The following TOPBP1 variants were observed in gnomAD, a reference collection of about 807,000 sequenced individuals.
TOPBP1 encodes the protein DNA topoisomerase 2-binding protein 1.
TOPBP1 carries 28 observed loss-of-function variants against 167.7 expected under a neutral mutation model. That is an observed-to-expected ratio of 0.17 (90% confidence interval 0.12 to 0.23). The LOEUF is 0.23. Among genes scored for constraint, TOPBP1 ranks in the 10% least tolerant of loss-of-function variants. The probability of loss-of-function intolerance (pLI) is 1.00; values close to 1 mark genes in which losing one functional copy is unlikely to be tolerated. For missense variants in TOPBP1, 1,554 were observed against 1,809.6 expected (o/e 0.86, Z 2.56); for synonymous variants, 598 against 611.4 (o/e 0.98, Z 0.32).
At chr3:133,610,959 A>G (rs756433125) in intron 25 of TOPBP1, 45 bp downstream of exon 25, 2 of 1,491,814 alleles carry the variant, frequency 1.3e-6, no homozygotes, top group South Asian at 1.4e-5. Context: ...AAGAGTCACA[A>G]TATTGAATGC....
chr3:133,611,800 T>G (rs1934692263), intron 24 of TOPBP1, among the ~76,000 whole-genome samples: 1 of 152,212 alleles, frequency 6.6e-6, no homozygotes, highest in African/African-American at 2.4e-5. Context: ...TGTTTCTTCC[T>G]TTAGAGACAG....
At chr3:133,634,478 T>C (rs1057334764) in intron 14 of TOPBP1, among the ~76,000 whole-genome samples, 7 of 152,066 alleles carry the variant, frequency 4.6e-5, no homozygotes, top group African/African-American at 1.7e-4. Flanking sequence ...CACTGCACTC[T>C]AGCCTGGGTC....
chr3:133,628,737 T>C lies in TOPBP1; in HGVS notation c.2521-4A>G. ...TTTCCAAGGCTGCAAGTGCATCCTA[T>C]ACATATGAAGGAGAGAGAGAGATGG... On this transcript the variant is annotated splice_polypyrimidine_tract_variant and splice_region_variant and intron_variant, in intron 14 of 27. Transcript: ENST00000260810. The C allele has an allele frequency of 6.4e-7, 1 of 1,551,326 alleles. No homozygotes were observed. Among genetic ancestry groups the C allele is most frequent in the Non-Finnish European group, 8.7e-7 (1 of 1,146,836 alleles).
chr3:133,659,901 C>T (rs891648465), intron 2 of TOPBP1, among the ~76,000 whole-genome samples: 6 of 152,012 alleles, frequency 3.9e-5, no homozygotes, highest in African/African-American at 1.5e-4. Flanking sequence ...TACAGTAATC[C>T]CTTTAAAACT....
intron 11 of TOPBP1, 58 bp downstream of exon 11, chr3:133,643,962 C>A (rs2107815206): frequency 1.4e-6 from 2 of 1,460,280 alleles, no homozygotes; most frequent in East Asian, 4.6e-5. Flanking sequence ...TAAACATTAA[C>A]CTTCTTGGCA....
intron 23 of TOPBP1, 62 bp downstream of exon 23, chr3:133,616,752 C>T: frequency 2.1e-6 from 2 of 955,924 alleles, no homozygotes; most frequent in South Asian, 3.8e-5. Context: ...ATATTGACTA[C>T]ATTTGACTTC....
At chr3:133,607,802 A>G (rs1934539831) in intron 27 of TOPBP1, among the ~76,000 whole-genome samples, 1 of 152,196 alleles carries the variant, frequency 6.6e-6, no homozygotes, top group South Asian at 2.1e-4. Context: ...CTTAGATAAA[A>G]TCGTGGATAC....
intron 3 of TOPBP1, among the ~76,000 whole-genome samples, chr3:133,658,235 CG>C (rs1559835605): frequency 6.6e-6 from 1 of 152,056 alleles, no homozygotes; most frequent in East Asian, 1.9e-4. Flanking sequence ...GGAGGCCGAG[CG>C]GGGGTGGATC....
At position 133,624,191 on chromosome 3, in the gene TOPBP1, CA is replaced by C; in HGVS notation, c.2805-17del. 2 of 1,606,602 alleles carry C rather than the reference CA, an allele frequency of 1.2e-6. No individual in the cohort carries two copies. Among genetic ancestry groups the C allele is most frequent in the African/African-American group, 1.3e-5 (1 of 74,510 alleles). ...AAAACTCCACCTGAAATAACCAATA[CA>C]AAAAAACAAATAACCAAGAGAAACA... On this transcript the variant is annotated splice_polypyrimidine_tract_variant and intron_variant, in intron 16 of 27. Coordinates refer to ENST00000260810, the MANE Select transcript of TOPBP1 (RefSeq NM_007027.4).
At chr3:133,657,006 T>C in intron 4 of TOPBP1, 149 bp from the exon 5 acceptor site, 1 of 672,380 alleles carries the variant, frequency 1.5e-6, no homozygotes, top group Non-Finnish European at 2.2e-6. Context: ...AACCAAATTA[T>C]TTTTTGGGAG....
intron 19 of TOPBP1, among the ~76,000 whole-genome samples, chr3:133,622,304 C>A (rs1935120233): frequency 6.6e-6 from 1 of 150,654 alleles, no homozygotes; most frequent in Non-Finnish European, 1.5e-5. Context: ...GATTCTCCTG[C>A]CTCAGCCTCC....
intron 12 of TOPBP1, 104 bp from the exon 13 acceptor site, chr3:133,640,274 T>TAA: frequency 1.1e-6 from 1 of 920,166 alleles, no homozygotes; most frequent in Non-Finnish European, 1.6e-6. Flanking sequence ...CATGTAAGTA[T>TAA]AAAAAAAAAT....
chr3:133,639,895 C>T (rs936560293), intron 13 of TOPBP1, 64 bp downstream of exon 13: 11 of 1,509,884 alleles, frequency 7.3e-6, no homozygotes, highest in Admixed American at 1.9e-5. Flanking sequence ...AGCATTGGCA[C>T]ATTTATATCC....
chr3:133,622,192 T>TC (rs1935113755), intron 19 of TOPBP1, among the ~76,000 whole-genome samples: 1 of 147,982 alleles, frequency 6.8e-6, no homozygotes, highest in African/African-American at 2.5e-5. Flanking sequence ...TATGTTTTTT[T>TC]TTTTTTTTTT....
At chr3:133,601,427 G>A (rs948670205) in intron 27 of TOPBP1, 34 bp from the exon 28 acceptor site, 63 of 1,399,992 alleles carry the variant, frequency 4.5e-5, no homozygotes, top group Non-Finnish European at 5.8e-5. Flanking sequence ...TTTTTAAAAT[G>A]ATTTCAAACA....
chr3:133,656,542 C>T (rs1280197709), intron 5 of TOPBP1, 134 bp downstream of exon 5: 2 of 848,094 alleles, frequency 2.4e-6, no homozygotes, highest in East Asian at 3.0e-5. Flanking sequence ...TCTGCTCTTC[C>T]GTTTTCGCTG....
At chr3:133,608,792 A>C in intron 26 of TOPBP1, 81 bp downstream of exon 26, 1 of 1,562,716 alleles carries the variant, frequency 6.4e-7, no homozygotes, top group East Asian at 2.3e-5. Context: ...CAAAAAGTAG[A>C]GAAAATGAAG....
intron 10 of TOPBP1, 80 bp from the exon 11 acceptor site, chr3:133,644,443 A>C: frequency 8.0e-7 from 1 of 1,254,564 alleles, no homozygotes; most frequent in Non-Finnish European, 1.1e-6. Context: ...TTAACGTAAC[A>C]TGGAATCTGA....
chr3:133,621,352 C>T (rs776107664), intron 19 of TOPBP1, among the ~76,000 whole-genome samples: 14 of 152,112 alleles, frequency 9.2e-5, no homozygotes, highest in Non-Finnish European at 2.1e-4. Context: ...CAACATACAT[C>T]CAGCCCTCCA....
Sources: allele counts gnomAD v4.1 joint callset (sites outside exome capture counted in the v4.1 genomes callset), GRCh38; gene constraint gnomAD v4.1.1; transcripts MANE v1.5; gene names NCBI Gene and HGNC (gene_info 2026-07-23, HGNC 2026-07-21).